The following OR1B1 variants were observed in gnomAD, a reference collection of about 807,000 sequenced individuals.
OR1B1 encodes the protein olfactory receptor 1B1.
For synonymous variants in OR1B1, 168 were observed against 156.2 expected, an observed-to-expected ratio of 1.08 and a Z score of -0.57; for missense variants, 414 against 402.1, an observed-to-expected ratio of 1.03 and a Z score of -0.25.
At chr9:122,628,423 T>C (rs374290907), downstream of OR1B1, among the ~76,000 whole-genome samples, 3 of 152,168 alleles carry the variant, frequency 2.0e-5, no homozygotes, top group South Asian at 2.1e-4. Context: ...TGTGGAATGT[T>C]CATGGCTCCA....
At chr9:122,646,353 A>G in the OR1B1 span, among the ~76,000 whole-genome samples, 1 of 152,160 alleles carries the variant, frequency 6.6e-6, no homozygotes. Flanking sequence ...TATCAATAAT[A>G]ACACTGAGTG....
upstream of OR1B1, among the ~76,000 whole-genome samples, chr9:122,631,300 C>A (rs978047977): frequency 6.6e-6 from 1 of 152,078 alleles, no homozygotes; most frequent in African/African-American, 2.4e-5. Context: ...CCTCAGCCTC[C>A]AGAGTAGCTG....
chr9:122,641,123 A>G, the OR1B1 span, among the ~76,000 whole-genome samples: 1 of 152,194 alleles, frequency 6.6e-6, no homozygotes, highest in East Asian at 1.9e-4. Context: ...TAACAAAATC[A>G]TAACAGGGTA....
At chr9:122,647,616 T>C in the OR1B1 span, among the ~76,000 whole-genome samples, 1 of 152,116 alleles carries the variant, frequency 6.6e-6, no homozygotes, top group African/African-American at 2.4e-5. Context: ...AAACAAATAA[T>C]TGTTTTTGTT....
chr9:122,653,578 A>T, the OR1B1 span, among the ~76,000 whole-genome samples: 1 of 152,150 alleles, frequency 6.6e-6, no homozygotes, highest in South Asian at 2.1e-4. Context: ...CCACTGTCTC[A>T]TGTAAAAGTT....
chr9:122,636,631 A>AAAT, the OR1B1 span, among the ~76,000 whole-genome samples: 1 of 152,178 alleles, frequency 6.6e-6, no homozygotes. Flanking sequence ...ATAAATAAAT[A>AAAT]AATAAATAAA....
chr9:122,629,439 A>G, exon 1 of OR1B1: 1 of 1,614,030 alleles, frequency 6.2e-7, no homozygotes, highest in Non-Finnish European at 8.5e-7. Context: ...ATAGCCAGGA[A>G]CAGGAAGAAG....
chr9:122,649,298 C>T, the OR1B1 span, among the ~76,000 whole-genome samples: 3 of 152,042 alleles, frequency 2.0e-5, no homozygotes, highest in Admixed American at 1.3e-4. Context: ...CCATAAAAAC[C>T]CTAGAAGAAA....
chr9:122,630,533 G>A (rs974464894), upstream of OR1B1, among the ~76,000 whole-genome samples: 1 of 152,044 alleles, frequency 6.6e-6, no homozygotes, highest in Non-Finnish European at 1.5e-5. Context: ...CTCCTGATAG[G>A]TCTTCCATAC....
At chr9:122,634,782 A>G in the OR1B1 span, among the ~76,000 whole-genome samples, 1 of 152,228 alleles carries the variant, frequency 6.6e-6, no homozygotes, top group Non-Finnish European at 1.5e-5. Context: ...TGTGCTTAAC[A>G]TCACTAATCG....
chr9:122,635,016 T>C, the OR1B1 span, among the ~76,000 whole-genome samples: 2 of 152,046 alleles, frequency 1.3e-5, no homozygotes, highest in African/African-American at 4.8e-5. Context: ...GACCCAGCAA[T>C]CCCTCTCCTG....
the OR1B1 span, among the ~76,000 whole-genome samples, chr9:122,634,967 C>G: frequency 2.0e-5 from 3 of 152,154 alleles, no homozygotes; most frequent in Non-Finnish European, 4.4e-5. Flanking sequence ...GAAAACAGTA[C>G]AGAGGGTCTT....
chr9:122,634,128 G>A (rs1830232480), upstream of OR1B1, among the ~76,000 whole-genome samples: 1 of 151,876 alleles, frequency 6.6e-6, no homozygotes, highest in Admixed American at 6.6e-5. Context: ...CCTGAAGTCG[G>A]GAGTTTGAGA....
chr9:122,649,063 A>G, the OR1B1 span, among the ~76,000 whole-genome samples: 2 of 152,208 alleles, frequency 1.3e-5, no homozygotes, highest in Non-Finnish European at 2.9e-5. Flanking sequence ...ATATAAATCA[A>G]TGGAACAGAA....
At chr9:122,643,507 G>A in the OR1B1 span, among the ~76,000 whole-genome samples, 227 of 152,266 alleles carry the variant, frequency 1.5e-3, no homozygotes, top group African/African-American at 5.1e-3. Context: ...AAGTGTTCTC[G>A]GGTCCTAGGT....
At chr9:122,645,028 GA>G in the OR1B1 span, among the ~76,000 whole-genome samples, 1 of 152,140 alleles carries the variant, frequency 6.6e-6, no homozygotes, top group African/African-American at 2.4e-5. Context: ...GAAACTCAAA[GA>G]AATTCAAGAA....
chr9:122,634,785 A>G, the OR1B1 span, among the ~76,000 whole-genome samples: 2 of 152,180 alleles, frequency 1.3e-5, no homozygotes, highest in African/African-American at 2.4e-5. Flanking sequence ...GCTTAACATC[A>G]CTAATCGTCA....
upstream of OR1B1, chr9:122,629,588 G>A: frequency 8.9e-7 from 1 of 1,117,782 alleles, no homozygotes; most frequent in Non-Finnish European, 1.3e-6. Flanking sequence ...GAAAGTCATG[G>A]GTCTGATGTT....
chr9:122,636,568 A>G, the OR1B1 span, among the ~76,000 whole-genome samples: 1 of 152,184 alleles, frequency 6.6e-6, no homozygotes, highest in African/African-American at 2.4e-5. Flanking sequence ...GTGATCCAAG[A>G]TCATGCCATT....
Sources: allele counts gnomAD v4.1 joint callset (sites outside exome capture counted in the v4.1 genomes callset), GRCh38; gene constraint gnomAD v4.1.1; transcripts MANE v1.5; gene names NCBI Gene and HGNC (gene_info 2026-07-23, HGNC 2026-07-21).